MED12L: variants seen among roughly 807,000 people sequenced by gnomAD.
MED12L encodes mediator of RNA polymerase II transcription subunit 12-like protein.
MED12L carries 60 observed loss-of-function variants against 281.3 expected under a neutral mutation model. The ratio of observed to expected loss-of-function variants is 0.21; its 90% confidence interval spans 0.17 to 0.26. MED12L has a LOEUF of 0.26. Among genes scored for constraint, MED12L ranks in the 10% least tolerant of loss-of-function variants. The pLI is 1.00. For missense variants in MED12L, 2,146 were observed against 2,680.9 expected (o/e 0.80, Z 4.41); for synonymous variants, 974 against 987.2 (o/e 0.99, Z 0.25).
chr3:151,184,692 C>A (rs1011389654), intron 11 of MED12L, among the ~76,000 whole-genome samples: 4 of 152,202 alleles, frequency 2.6e-5, no homozygotes, highest in African/African-American at 7.2e-5. Flanking sequence ...TTCTGGTCAC[C>A]ATGCTGAGCC....
At chr3:151,293,780 G>A (rs573330816) in intron 16 of MED12L, among the ~76,000 whole-genome samples, 22 of 152,206 alleles carry the variant, frequency 1.4e-4, no homozygotes, top group Admixed American at 2.6e-4. Context: ...TTAGTTTATA[G>A]ATGGAAAGTA....
chr3:151,195,534 C>G (rs1441346465), intron 16 of MED12L, among the ~76,000 whole-genome samples: 1 of 152,024 alleles, frequency 6.6e-6, no homozygotes, highest in Non-Finnish European at 1.5e-5. Context: ...CTATGCTTTT[C>G]TACTGTTACC....
intron 2 of MED12L, among the ~76,000 whole-genome samples, chr3:151,111,231 A>G (rs1711833446): frequency 6.6e-6 from 1 of 152,266 alleles, no homozygotes; most frequent in Non-Finnish European, 1.5e-5. Flanking sequence ...GGAACCAAAA[A>G]TATGATACGA....
At chr3:151,372,894 T>C in intron 27 of MED12L, 128 bp downstream of exon 27, 5 of 654,400 alleles carry the variant, frequency 7.6e-6, no homozygotes, top group Non-Finnish European at 1.3e-5. Context: ...TCGAAATAAT[T>C]TTAAGTTTGC....
intron 5 of MED12L, among the ~76,000 whole-genome samples, chr3:151,144,244 G>A (rs1402591379): frequency 2.6e-5 from 4 of 152,080 alleles, no homozygotes; most frequent in African/African-American, 4.8e-5. Context: ...GTACAGGGTT[G>A]ATAGGGAAAA....
At chr3:151,230,010 C>G (rs1004781979) in intron 16 of MED12L, among the ~76,000 whole-genome samples, 1 of 152,002 alleles carries the variant, frequency 6.6e-6, no homozygotes, top group African/African-American at 2.4e-5. Context: ...CGCTCTGTTG[C>G]CCAGGCTGGA....
intron 43 of MED12L, among the ~76,000 whole-genome samples, chr3:151,427,198 A>G (rs1037697156): frequency 6.6e-6 from 1 of 152,228 alleles, no homozygotes; most frequent in Non-Finnish European, 1.5e-5. Flanking sequence ...CATGTTATGT[A>G]GGCTCTGGAA....
In MED12L at chr3:151,295,148, T is replaced by G. The variant is rs1040064840; in HGVS notation, c.2251-54911T>G. 6.2e-6 allele frequency: 10 copies of G among 1,613,488 alleles called. No individual in the cohort carries two copies. Among genetic ancestry groups the G allele is most frequent in the Admixed American group, 1.7e-5 (1 of 60,004 alleles). On this transcript the variant is annotated intron_variant, in intron 16 of 44. Transcript: ENST00000687756. ...GTCAAATTCATTGTGAAGGGTGGTG[T>G]TCTTTCCTGGCCCGTCGCTCCTGTT...
At chr3:151,406,058 A>G (rs911363165) in intron 39 of MED12L, among the ~76,000 whole-genome samples, 5 of 152,244 alleles carry the variant, frequency 3.3e-5, no homozygotes, top group Non-Finnish European at 4.4e-5. Context: ...TTCAGAAATT[A>G]ACAGATAACT....
In MED12L at chr3:151,434,041, TTTTAGA is replaced by T. The variant is rs1719820068; in HGVS notation, c.*1245_*1250del. ...CTTAAGAGTATTCTATATAATATTT[TTTTAGA>T]TTTAGATGCATAAAATTTTGAATGT... On this transcript the variant is annotated 3_prime_UTR_variant, in exon 45 of 45. Transcript: ENST00000687756. The T allele has an allele frequency of 1.3e-5, 2 of 152,618 alleles. No individual in the cohort carries two copies. The highest frequency in any genetic ancestry group is 6.5e-5 in the Admixed American group (1 of 15,276). 9.5% of individuals were successfully genotyped at this position (152,618 alleles called of 1,614,324 possible).
intron 5 of MED12L, among the ~76,000 whole-genome samples, chr3:151,143,981 A>T (rs2148879464): frequency 6.6e-6 from 1 of 152,352 alleles, no homozygotes; most frequent in South Asian, 2.1e-4. Flanking sequence ...TATATATAGA[A>T]ATCTGAAAAG....
chr3:151,134,678 T>G (rs1715880650), intron 5 of MED12L, among the ~76,000 whole-genome samples: 2 of 152,162 alleles, frequency 1.3e-5, no homozygotes, highest in Non-Finnish European at 1.5e-5. Context: ...AGGAAGTGAC[T>G]TAGGTGTATA....
chr3:151,266,599 C>T (rs1452214993), intron 16 of MED12L, among the ~76,000 whole-genome samples: 1 of 152,162 alleles, frequency 6.6e-6, no homozygotes, highest in East Asian at 1.9e-4. Context: ...TTTCCTTGAA[C>T]ATTCTTTCCT....
chr3:151,264,148 G>T (rs1739410870), intron 16 of MED12L, among the ~76,000 whole-genome samples: 1 of 152,196 alleles, frequency 6.6e-6, no homozygotes, highest in Admixed American at 6.5e-5. Flanking sequence ...TCATTGTTCA[G>T]TGTTTAAAGA....
At position 151,384,080 on chromosome 3, in the gene MED12L, T is replaced by C. The variant is rs1172334021; in HGVS notation, c.4791-3T>C. ...AGATGAAAATAATTATTTTCTTTCT[T>C]AGTGAATTATTCACAACAGTTCTTG... is the stretch of plus-strand genomic sequence containing the variant. On this transcript the variant is annotated splice_polypyrimidine_tract_variant and splice_region_variant and intron_variant, in intron 34 of 44. Coordinates refer to ENST00000687756, the MANE Select transcript of MED12L (RefSeq NM_001393769.1). 6.2e-7 allele frequency: 1 copy of C among 1,609,430 alleles called. No homozygotes were observed. Among genetic ancestry groups the C allele is most frequent in the East Asian group, 2.2e-5 (1 of 44,822 alleles).
chr3:151,317,104 A>G lies in MED12L; in HGVS notation c.2251-32955A>G, dbSNP rs188590801. ...ACATGTATTTGCAGCCTTCCTGCCA[A>G]TTAAATTTTGGATTAAAAGAAATAA... is the stretch of plus-strand genomic sequence containing the variant. On this transcript the variant is annotated intron_variant, in intron 16 of 44. Coordinates refer to ENST00000687756, the MANE Select transcript of MED12L (RefSeq NM_001393769.1). 2.3e-3 allele frequency among the ~76,000 whole-genome samples: 356 copies of G among 152,258 alleles called. 1 individual carries two copies. The highest frequency in any genetic ancestry group is 4.4e-3 in the Admixed American group (67 of 15,300).
intron 37 of MED12L, 147 bp from the exon 38 acceptor site, chr3:151,389,832 C>A: frequency 1.5e-6 from 1 of 682,432 alleles, no homozygotes; most frequent in Non-Finnish European, 2.4e-6. Context: ...GATTTATTAG[C>A]ACTCTTCCTT....
chr3:151,218,029 T>C (rs555466569), intron 16 of MED12L, among the ~76,000 whole-genome samples: 1 of 152,320 alleles, frequency 6.6e-6, no homozygotes, highest in African/African-American at 2.4e-5. Context: ...TTGGACCTCG[T>C]GATATCTACT....
In MED12L at chr3:151,292,771, C is replaced by T. The variant is rs537761062; in HGVS notation, c.2251-57288C>T. On this transcript the variant is annotated intron_variant, in intron 16 of 44. Transcript: ENST00000687756. Reference sequence around the variant, plus strand: ...ATTTTTAGTAGAGACGGGGTTTCTCCATGTTGGTCAGGCTGGTCTGCTCCT... The same window carrying T: ...ATTTTTAGTAGAGACGGGGTTTCTCTATGTTGGTCAGGCTGGTCTGCTCCT... 5.3e-5 allele frequency among the ~76,000 whole-genome samples: 8 copies of T among 152,294 alleles called. No individual in the cohort carries two copies. The East Asian group carries it at 1.2e-3, about 22-fold the overall frequency.
Sources: gnomAD v4.1 joint callset for allele counts (sites outside exome capture counted in the v4.1 genomes callset) on GRCh38, gnomAD v4.1.1 for gene constraint, MANE v1.5 for transcripts, NCBI Gene and HGNC (gene_info 2026-07-23, HGNC 2026-07-21) for gene names.